Variants in HCN1 observed in about 807,000 individuals in gnomAD.
The protein encoded by HCN1 is potassium/sodium hyperpolarization-activated cyclic nucleotide-gated channel 1.
Under a neutral mutation model 78.9 loss-of-function variants are expected in HCN1, and 13 were observed. The ratio of observed to expected loss-of-function variants is 0.16; its 90% CI spans 0.11 to 0.26. The LOEUF is 0.26. Among genes scored for constraint, HCN1 ranks in the 10% least tolerant of loss-of-function variants. The pLI is 1.00. For missense variants in HCN1, 810 were observed against 1,154.3 expected, an observed-to-expected ratio of 0.70 and a Z score of 4.32; for synonymous variants, 552 against 455.5, an observed-to-expected ratio of 1.21 and a Z score of -2.70.
intron 2 of HCN1, among the ~76,000 whole-genome samples, chr5:45,580,203 G>A (rs558421638): frequency 6.6e-6 from 1 of 152,180 alleles, no homozygotes; most frequent in East Asian, 1.9e-4. Context: ...AAAATCAACA[G>A]GCCTTAAAAT....
intron 2 of HCN1, among the ~76,000 whole-genome samples, chr5:45,471,670 G>A (rs565534717): frequency 1.3e-5 from 2 of 151,972 alleles, no homozygotes; most frequent in South Asian, 4.1e-4. Flanking sequence ...CTTACAATGT[G>A]TATTTTCTTC....
intron 2 of HCN1, among the ~76,000 whole-genome samples, chr5:45,484,712 C>CT (rs1339832584): frequency 6.6e-6 from 1 of 152,154 alleles, no homozygotes; most frequent in African/African-American, 2.4e-5. Flanking sequence ...TAGATGTTAT[C>CT]TTAGGTCTCT....
intron 6 of HCN1, among the ~76,000 whole-genome samples, chr5:45,294,183 A>T (rs1012223774): frequency 6.6e-6 from 1 of 152,068 alleles, no homozygotes; most frequent in Non-Finnish European, 1.5e-5. Flanking sequence ...CAGATGTTTC[A>T]GTCCTCTTAG....
At chr5:45,467,482 C>T (rs1741297215) in intron 2 of HCN1, among the ~76,000 whole-genome samples, 1 of 152,084 alleles carries the variant, frequency 6.6e-6, no homozygotes, top group African/African-American at 2.4e-5. Context: ...TCCTTTTCCA[C>T]TGCATTTTCT....
At chr5:45,401,886 G>T (rs1206107613) in intron 3 of HCN1, among the ~76,000 whole-genome samples, 1 of 151,722 alleles carries the variant, frequency 6.6e-6, no homozygotes, top group African/African-American at 2.4e-5. Context: ...ATTAAACAAG[G>T]TTTAATTAAA....
chr5:45,575,390 T>C (rs921549654), intron 2 of HCN1: 6 of 151,008 alleles, frequency 4.0e-5, no homozygotes, highest in Non-Finnish European at 5.9e-5. Flanking sequence ...ATGAAACACA[T>C]GGACACAGGA....
At chr5:45,597,939 T>C (rs11745711) in intron 2 of HCN1, among the ~76,000 whole-genome samples, 70,600 of 151,916 alleles carry the variant, frequency 0.46, 18,757 homozygotes, top group Non-Finnish European at 0.58. Context: ...GGAAGAACAT[T>C]CCATGCTCAT....
intron 2 of HCN1, among the ~76,000 whole-genome samples, chr5:45,580,341 TGAG>T (rs1744036751): frequency 6.6e-6 from 1 of 151,964 alleles, no homozygotes; most frequent in South Asian, 2.1e-4. Flanking sequence ...TGATTCAAAG[TGAG>T]GAGAATTTAA....
intron 1 of HCN1, among the ~76,000 whole-genome samples, chr5:45,682,488 G>T (rs1580048581): frequency 1.3e-5 from 2 of 151,764 alleles, no homozygotes; most frequent in East Asian, 3.9e-4. Context: ...GAAAAAGGTT[G>T]TTGGAAATTA....
chr5:45,341,706 A>G (rs868302177), intron 5 of HCN1, among the ~76,000 whole-genome samples: 5 of 152,258 alleles, frequency 3.3e-5, no homozygotes, highest in African/African-American at 4.8e-5. Context: ...GCAGTGAGCT[A>G]TAGTTTCACC....
intron 2 of HCN1, among the ~76,000 whole-genome samples, chr5:45,469,807 GTT>G (rs1491485361): frequency 6.6e-6 from 1 of 151,134 alleles, no homozygotes; most frequent in Non-Finnish European, 1.5e-5. Context: ...GTGTGTGTGT[GTT>G]TGTGTGAATG....
At chr5:45,498,518 C>A (rs997389374) in intron 2 of HCN1, among the ~76,000 whole-genome samples, 1 of 152,088 alleles carries the variant, frequency 6.6e-6, no homozygotes, top group Non-Finnish European at 1.5e-5. Flanking sequence ...AACTTCTTTG[C>A]CTTTGGTTTG....
intron 6 of HCN1, among the ~76,000 whole-genome samples, chr5:45,301,131 A>G (rs1745609181): frequency 6.6e-6 from 1 of 152,086 alleles, no homozygotes; most frequent in Non-Finnish European, 1.5e-5. Flanking sequence ...TAATAAATAT[A>G]TCTTAGCTGT....
At chr5:45,483,373 G>T (rs1228254673) in intron 2 of HCN1, among the ~76,000 whole-genome samples, 1 of 152,164 alleles carries the variant, frequency 6.6e-6, no homozygotes, top group Admixed American at 6.5e-5. Context: ...TTTCTCTCAT[G>T]ATTAGTGATG....
intron 2 of HCN1, chr5:45,558,388 T>G (rs1387828605): frequency 6.6e-6 from 1 of 152,100 alleles, no homozygotes; most frequent in Non-Finnish European, 1.5e-5. Context: ...CATAAAAGTG[T>G]AAGATAAAGC....
intron 2 of HCN1, among the ~76,000 whole-genome samples, chr5:45,602,167 C>G (rs1744638089): frequency 6.6e-6 from 1 of 152,086 alleles, no homozygotes; most frequent in South Asian, 2.1e-4. Flanking sequence ...TCCTTTATAA[C>G]TTACCCAGTC....
At chr5:45,536,162 T>G (rs916807002) in intron 2 of HCN1, among the ~76,000 whole-genome samples, 1 of 152,218 alleles carries the variant, frequency 6.6e-6, no homozygotes, top group African/African-American at 2.4e-5. Flanking sequence ...GATGTGTCTA[T>G]ATATGGTTTG....
chr5:45,646,676 T>C (rs1745556703), intron 1 of HCN1, among the ~76,000 whole-genome samples: 1 of 152,186 alleles, frequency 6.6e-6, no homozygotes, highest in Non-Finnish European at 1.5e-5. Flanking sequence ...ATAGCTTAAC[T>C]AAATTAACTA....
At chr5:45,603,160 C>T (rs1003257182) in intron 2 of HCN1, among the ~76,000 whole-genome samples, 6 of 151,998 alleles carry the variant, frequency 3.9e-5, no homozygotes, top group African/African-American at 1.4e-4. Context: ...GGTGATAACC[C>T]AAGTGTACCC....
Sources: gnomAD v4.1 joint callset for allele counts (sites outside exome capture counted in the v4.1 genomes callset) on GRCh38, gnomAD v4.1.1 for gene constraint, MANE v1.5 for transcripts, NCBI Gene and HGNC (gene_info 2026-07-23, HGNC 2026-07-21) for gene names.